Variants in PYGM observed in about 807,000 individuals in gnomAD.
PYGM encodes glycogen phosphorylase, muscle form.
PYGM carries 81 observed loss-of-function variants against 99.3 expected under a neutral mutation model. That is an observed-to-expected ratio of 0.82 (90% confidence interval 0.68 to 0.98). PYGM has a LOEUF of 0.98. PYGM is among the 50% of genes least tolerant of loss of function. PYGM has a pLI of 0.00. For missense variants in PYGM, 1,030 were observed against 1,158.1 expected (o/e 0.89, Z 1.61); for synonymous variants, 436 against 451.5 (o/e 0.97, Z 0.44).
In PYGM at chr11:64,758,720, G is replaced by A. The variant is rs1565538336; in HGVS notation, c.244-16C>T. The stretch of plus-strand genomic sequence containing the variant: ...AGTAGATCCTCTGCCCAGAGAGACG[G>A]ATGGGCAGGGAATGGGGTCAGGGCC... On this transcript the variant is annotated splice_polypyrimidine_tract_variant and intron_variant, in intron 1 of 19. Transcript: ENST00000164139. 6.3e-7 allele frequency: 1 copy of A among 1,575,364 alleles called. No homozygotes were observed. The highest frequency in any genetic ancestry group is 8.7e-7 in the Non-Finnish European group (1 of 1,145,144).
intron 17 of PYGM, 106 bp from the exon 18 acceptor site, chr11:64,747,464 C>CCTG: frequency 6.7e-7 from 1 of 1,493,418 alleles, no homozygotes; most frequent in Middle Eastern, 1.7e-4. Context: ...CCAGGTCCAG[C>CCTG]CTGCTGCTCC....
In PYGM at chr11:64,753,900, C is replaced by A. The variant is rs757762621; in HGVS notation, c.1218G>T (p.Glu406Asp). ...LLPRHLQIIY[E>D]INQRFLNRVA... ...TCACGTTGAGGAAGCGCTGGTTGAT[C>A]TCGTAGATGATCTGGAGGTGCCGCG... The change falls in exon 10 of 20, where the codon GAG becomes GAT. Residue 406 changes from glutamate to aspartate, a missense_variant. Physicochemically the swap from Glu to Asp is conservative, Grantham distance 45. Transcript: ENST00000164139. 26 of 1,584,050 alleles carry A rather than the reference C, an allele frequency of 1.6e-5. No individual in the cohort carries two copies. Among genetic ancestry groups the A allele is most frequent in the Non-Finnish European group, 2.0e-5 (23 of 1,164,742 alleles).
At position 64,746,823 on chromosome 11, in the gene PYGM, G is replaced by C. The variant is rs749501817; in HGVS notation, c.2380-15C>G. On this transcript the variant is annotated splice_polypyrimidine_tract_variant and intron_variant, in intron 19 of 19. Coordinates refer to ENST00000164139, the MANE Select transcript of PYGM (RefSeq NM_005609.4). Reference sequence around the variant, plus strand: ...TCTCTTGGGTTCTGCAGGTCAAAGGGAAGCTCTGGTTCACTCTGCTGGCAG... The same window carrying C: ...TCTCTTGGGTTCTGCAGGTCAAAGGCAAGCTCTGGTTCACTCTGCTGGCAG... The C allele has an allele frequency of 6.2e-6, 10 of 1,614,034 alleles. No homozygotes were observed. The highest frequency in any genetic ancestry group is 1.6e-4 in the Middle Eastern group (1 of 6,084).
chr11:64,754,733 C>T lies in PYGM; in HGVS notation c.959G>A (p.Arg320His), dbSNP rs139578482. The change falls in exon 8 of 20, where the codon CGT becomes CAT. Residue 320 changes from arginine to histidine, a missense_variant. Coordinates refer to ENST00000164139, the MANE Select transcript of PYGM (RefSeq NM_005609.4). The surrounding 1 kb of genome is among the most constrained non-coding windows in gnomAD (Gnocchi z 5.5). ...ATCGAAGTTCGTGCGCACGGGATCACGGCAGCCGAACTTGGAAGACTTGAA... is the reference window on the plus strand; with the variant it reads ...ATCGAAGTTCGTGCGCACGGGATCATGGCAGCCGAACTTGGAAGACTTGAA... ...RRFKSSKFGCRDPVRTNFDAF... is the reference protein window; with the variant it reads ...RRFKSSKFGCHDPVRTNFDAF... The T allele has an allele frequency of 2.0e-5, 33 of 1,613,734 alleles. No individual in the cohort carries two copies. Among genetic ancestry groups the T allele is most frequent in the Non-Finnish European group, 2.5e-5 (30 of 1,179,988 alleles).
At position 64,753,597 on chromosome 11, in the gene PYGM, A is replaced by G. The variant is rs759251930; in HGVS notation, c.1325T>C (p.Met442Thr). 2 of 1,608,358 alleles carry G rather than the reference A, an allele frequency of 1.2e-6. No homozygotes were observed. The highest frequency in any genetic ancestry group is 1.7e-5 in the Admixed American group (1 of 59,786). Residue 442 changes from methionine to threonine, a missense_variant, in exon 11 of 20, where the codon ATG becomes ACG. Transcript: ENST00000164139. The part of the protein sequence containing the change: ...VEEGAVKRIN[M>T]AHLCIAGSHA... Reference sequence around the variant, plus strand: ...CGACCCCGCGATGCACAGGTGTGCCATGTTGATGCGCTTCACTGCGCCCTC... The same window carrying G: ...CGACCCCGCGATGCACAGGTGTGCCGTGTTGATGCGCTTCACTGCGCCCTC...
At chr11:64,748,050 A>C (rs2135825230) in intron 17 of PYGM, 1 of 155,100 alleles carries the variant, frequency 6.4e-6, no homozygotes, top group African/African-American at 2.4e-5. Context: ...CAAAAAAAAA[A>C]AAAAAGATAA....
At position 64,752,423 on chromosome 11, in the gene PYGM, C is replaced by A. The variant is rs746031643; in HGVS notation, c.1600G>T (p.Asp534Tyr). 3.7e-6 allele frequency: 6 copies of A among 1,614,214 alleles called. No homozygotes were observed. Among genetic ancestry groups the A allele is most frequent in the Non-Finnish European group, 5.1e-6 (6 of 1,180,004 alleles). The change falls in exon 13 of 20, where the codon GAT becomes TAT. Residue 534 changes from aspartate (D) to tyrosine (Y), a missense_variant. Asp to Tyr is a radical substitution (Grantham distance 160). Transcript: ENST00000164139. ...CCCACCTGCTTCACTTTGGCCACAT[C>A]CCGAATGAAAGCTTCATCATCCACA... The part of the protein sequence containing the change: ...SFVDDEAFIR[D>Y]VAKVKQENKL...
Position 64,750,466 on chromosome 11 carries a change from G to A in PYGM, c.2087C>T (p.Ala696Val). The A allele has an allele frequency of 6.2e-7, 1 of 1,614,130 alleles. No individual in the cohort carries two copies. Among genetic ancestry groups the A allele is most frequent in the Non-Finnish European group, 8.5e-7 (1 of 1,180,038 alleles). The change falls in exon 17 of 20, where the codon GCC becomes GTC. Residue 696 changes from alanine (A) to valine (V), a missense_variant. Transcript: ENST00000164139. Reference protein sequence around the residue: ...GALTIGTMDGANVEMAEEAGE... With the variant: ...GALTIGTMDGVNVEMAEEAGE... ...CGCCTCTTCTGCCATCTCCACATTG[G>A]CCCCGTCCATGGTGCCAATGGTCAG...
chr11:64,752,690 G>A (rs1210505637), intron 12 of PYGM, among the ~76,000 whole-genome samples, 186 bp from the exon 13 acceptor site: 2 of 152,106 alleles, frequency 1.3e-5, no homozygotes, highest in Non-Finnish European at 2.9e-5. Flanking sequence ...CTCCCCTCCC[G>A]TCCTTGAGCT....
intron 17 of PYGM, among the ~76,000 whole-genome samples, chr11:64,749,640 T>C (rs2058339822): frequency 6.7e-6 from 1 of 150,306 alleles, no homozygotes; most frequent in Non-Finnish European, 1.5e-5. Flanking sequence ...AGACTCCGTC[T>C]CAAAAAAAAA....
In PYGM at chr11:64,753,189, T is replaced by C; in HGVS notation, c.1404-2A>G. 1.9e-6 allele frequency: 3 copies of C among 1,604,660 alleles called. No individual in the cohort carries two copies. The highest frequency in any genetic ancestry group is 1.7e-6 in the Non-Finnish European group (2 of 1,171,512). On this transcript the variant is annotated splice_acceptor_variant, in intron 11 of 19. Coordinates refer to ENST00000164139, the MANE Select transcript of PYGM (RefSeq NM_005609.4). LOFTEE classifies it high-confidence loss of function. ...TCCAGCTCATAGAAGTCTTTGAAGC[T>C]GCAGGATGAGGTTGGACGAGGGTCA... is the stretch of plus-strand genomic sequence containing the variant.
intron 13 of PYGM, 46 bp from the exon 14 acceptor site, chr11:64,752,117 A>G (rs1432317019): frequency 6.2e-7 from 1 of 1,613,442 alleles, no homozygotes; most frequent in Non-Finnish European, 8.5e-7. Flanking sequence ...CCACAGCCTC[A>G]GGAAATCCTA....
Position 64,753,504 on chromosome 11 carries a change from G to T in PYGM, c.1403+15C>A. ...GGGGCCTAGAGAGGGGCGGGATCTG[G>T]AAAGCGGGGCTCACATGGTCTTCTT... On this transcript the variant is annotated intron_variant, in intron 11 of 19. Transcript: ENST00000164139. The T allele has an allele frequency of 6.3e-7, 1 of 1,575,580 alleles. No individual in the cohort carries two copies. The highest frequency in any genetic ancestry group is 1.1e-5 in the South Asian group (1 of 87,786).
At position 64,754,819 on chromosome 11, in the gene PYGM, C is replaced by T. The variant is rs944552679; in HGVS notation, c.873G>A (p.Glu291=). 6.2e-7 allele frequency: 1 copy of T among 1,613,952 alleles called. No individual in the cohort carries two copies. Among genetic ancestry groups the T allele is most frequent in the Non-Finnish European group, 8.5e-7 (1 of 1,180,022 alleles). Residue 291 remains glutamate, a synonymous_variant, in exon 8 of 20, where the codon GAG becomes GAA. Transcript: ENST00000164139. This position sits in a 1 kb window ranked among gnomAD's most constrained non-coding sequence, Gnocchi z 5.5. ...YPNDNFFEGK[E]LRLKQEYFVV... is the part of the protein sequence containing the mutation. ...CGAAATACTCCTGCTTCAGCCGCAGCTCCTTCCCTTCGAAGAACTGGGGAC... is the reference window on the plus strand; with the variant it reads ...CGAAATACTCCTGCTTCAGCCGCAGTTCCTTCCCTTCGAAGAACTGGGGAC...
At chr11:64,751,879 A>G (rs371482304) in intron 14 of PYGM, 45 bp downstream of exon 14, 3 of 1,612,460 alleles carry the variant, frequency 1.9e-6, no homozygotes, top group Non-Finnish European at 2.5e-6. Context: ...TGCCGCAGGA[A>G]CACGGGGGAG....
rs202029136 is a variant in PYGM at position 64,757,223 on chromosome 11, A to AT, written c.660+555dup. Among the ~76,000 whole-genome samples the AT allele has an allele frequency of 3.7e-3, 568 of 151,568 alleles. 3 individuals are homozygous for AT. The highest frequency in any genetic ancestry group is 0.012 in the African/African-American group (498 of 41,262). On this transcript the variant is annotated intron_variant, in intron 5 of 19. Coordinates refer to ENST00000164139, the MANE Select transcript of PYGM (RefSeq NM_005609.4). ...CAGGTATGACCCACTGCCCCAGTCTATTTTTTTTATTTTTTGTAGAGACAG... is the reference window on the plus strand; with the variant it reads ...CAGGTATGACCCACTGCCCCAGTCTATTTTTTTTTATTTTTTGTAGAGACAG...
At chr11:64,752,296 T>G (rs2058362173) in intron 13 of PYGM, 107 bp downstream of exon 13, 1 of 1,435,414 alleles carries the variant, frequency 7.0e-7, no homozygotes, top group South Asian at 1.2e-5. Flanking sequence ...ACCAACGGCC[T>G]GGGCTGGCAG....
At chr11:64,751,226 T>C in intron 16 of PYGM, 99 bp downstream of exon 16, 1 of 1,543,912 alleles carries the variant, frequency 6.5e-7, no homozygotes, top group African/African-American at 1.4e-5. Flanking sequence ...CTCCAGATTC[T>C]TCTTTCAAGT....
rs1592413061 is a variant in PYGM, at chr11:64,755,279, A to G, written c.849T>C (p.Asn283=). 2 of 1,613,928 alleles carry G rather than the reference A, an allele frequency of 1.2e-6. No homozygotes were observed. Among genetic ancestry groups the G allele is most frequent in the Non-Finnish European group, 1.7e-6 (2 of 1,179,858 alleles). ...AENISRVLYP[N]DNFFEGKELR... is the part of the protein sequence containing the mutation. ...AGCCCAGGGGGTGACGCACATTATC[A>G]TTGGGGTACAGGACACGAGAGATGT... Residue 283 remains asparagine (N), a synonymous_variant, in exon 7 of 20, where the codon AAT becomes AAC. Coordinates refer to ENST00000164139, the MANE Select transcript of PYGM (RefSeq NM_005609.4). This position sits in a 1 kb window ranked among gnomAD's most constrained non-coding sequence, Gnocchi z 4.1.
Sources: allele counts gnomAD v4.1 joint callset (sites outside exome capture counted in the v4.1 genomes callset), GRCh38; gene constraint gnomAD v4.1.1; non-coding constraint Gnocchi (gnomAD v3.1); transcripts MANE v1.5; gene names NCBI Gene and HGNC (gene_info 2026-07-23, HGNC 2026-07-21).